Variants in HHAT observed in about 807,000 individuals in gnomAD.
HHAT encodes hedgehog acyltransferase, also known as protein-cysteine N-palmitoyltransferase HHAT.
Under a neutral mutation model 70.8 loss-of-function variants are expected in HHAT, and 47 were observed. That is an observed-to-expected ratio of 0.66 (90% confidence interval 0.53 to 0.85). The LOEUF is 0.85. Ranked by LOEUF, HHAT falls within the 40% of genes least tolerant of loss-of-function variation. The pLI, the probability that HHAT is intolerant of heterozygous loss-of-function variation, is 0.00. For synonymous variants in HHAT, 228 were observed against 247.6 expected, an observed-to-expected ratio of 0.92 and a Z score of 0.74; for missense variants, 609 against 604.8, an observed-to-expected ratio of 1.01 and a Z score of -0.07.
chr1:210,529,046 G>T (rs997872837), intron 9 of HHAT, among the ~76,000 whole-genome samples: 2 of 152,234 alleles, frequency 1.3e-5, no homozygotes, highest in Non-Finnish European at 2.9e-5. Context: ...GGCTCACGCT[G>T]GTAATCCCAG....
chr1:210,474,911 C>T (rs900589062), intron 8 of HHAT, among the ~76,000 whole-genome samples: 3 of 151,288 alleles, frequency 2.0e-5, no homozygotes, highest in African/African-American at 4.9e-5. Flanking sequence ...AGTGCAGTGG[C>T]TCAATCAGGG....
intron 10 of HHAT, among the ~76,000 whole-genome samples, chr1:210,598,897 C>T (rs1383383726): frequency 6.6e-6 from 1 of 152,166 alleles, no homozygotes. Context: ...TCTATTTGGC[C>T]ATATTGCTTC....
chr1:210,539,984 T>C (rs2095412096), intron 9 of HHAT, among the ~76,000 whole-genome samples: 1 of 152,158 alleles, frequency 6.6e-6, no homozygotes, highest in African/African-American at 2.4e-5. Flanking sequence ...ACACTAAAAA[T>C]TATAAATCAA....
chr1:210,434,096 G>A (rs1213211767), intron 7 of HHAT, among the ~76,000 whole-genome samples: 1 of 151,942 alleles, frequency 6.6e-6, no homozygotes, highest in Non-Finnish European at 1.5e-5. Context: ...AGTGTCTTGT[G>A]AAGGTTTAAA....
intron 11 of HHAT, among the ~76,000 whole-genome samples, chr1:210,641,504 G>C (rs565943179): frequency 6.6e-6 from 1 of 152,248 alleles, no homozygotes; most frequent in East Asian, 1.9e-4. Flanking sequence ...TAACAATATA[G>C]ATTAAATTTT....
At chr1:210,420,675 C>T (rs377241571) in intron 7 of HHAT, among the ~76,000 whole-genome samples, 7 of 143,168 alleles carry the variant, frequency 4.9e-5, no homozygotes. Flanking sequence ...TTTAAAAAAA[C>T]AAAAAAAAAA....
intron 5 of HHAT, among the ~76,000 whole-genome samples, chr1:210,401,988 A>C (rs990796229): frequency 6.6e-6 from 1 of 152,122 alleles, no homozygotes; most frequent in African/African-American, 2.4e-5. Context: ...TCTCAGGCCC[A>C]CTCAGGCTGT....
In HHAT at chr1:210,404,685, GC is replaced by G; in HGVS notation, c.684+9del. On this transcript the variant is annotated splice_region_variant and intron_variant, in intron 6 of 11. Transcript: ENST00000261458. ...TCTCGGAGTTCATCAAACAGGTAGA[GC>G]CCGCTGGGGATGGGATTGGGATTCT... 1.9e-6 allele frequency: 3 copies of G among 1,607,494 alleles called. No homozygotes were observed. Among genetic ancestry groups the G allele is most frequent in the Non-Finnish European group, 2.6e-6 (3 of 1,174,356 alleles).
chr1:210,579,965 A>G (rs1302710518), intron 9 of HHAT, among the ~76,000 whole-genome samples: 1 of 152,210 alleles, frequency 6.6e-6, no homozygotes, highest in African/African-American at 2.4e-5. Flanking sequence ...AGCTTCATGG[A>G]GCGAAAAGAA....
chr1:210,642,925 C>T lies in HHAT; in HGVS notation c.1390+19255C>T, dbSNP rs573262128. 2.0e-5 allele frequency among the ~76,000 whole-genome samples: 3 copies of T among 152,294 alleles called. No homozygotes were observed. The East Asian group carries it at 5.8e-4, about 29-fold the overall frequency. Reference sequence around the variant, plus strand: ...TTAGGAAATACTTGCTTACCCCAAGCTCATGAAGATATTGCTCTATGTTAT... The same window carrying T: ...TTAGGAAATACTTGCTTACCCCAAGTTCATGAAGATATTGCTCTATGTTAT... On this transcript the variant is annotated intron_variant, in intron 11 of 11. Coordinates refer to ENST00000261458, the MANE Select transcript of HHAT (RefSeq NM_018194.6).
chr1:210,470,745 A>T (rs2148458269), intron 8 of HHAT, among the ~76,000 whole-genome samples: 1 of 152,300 alleles, frequency 6.6e-6, no homozygotes, highest in South Asian at 2.1e-4. Context: ...CAGATGGAAG[A>T]TGTTGATCAC....
At chr1:210,527,118 A>G (rs1457993941) in intron 9 of HHAT, among the ~76,000 whole-genome samples, 1 of 152,152 alleles carries the variant, frequency 6.6e-6, no homozygotes, top group Non-Finnish European at 1.5e-5. Context: ...CCATTTGATA[A>G]GAGGATTGGA....
intron 5 of HHAT, among the ~76,000 whole-genome samples, chr1:210,400,992 A>C (rs1199790164): frequency 2.0e-5 from 3 of 152,250 alleles, no homozygotes; most frequent in Non-Finnish European, 4.4e-5. Flanking sequence ...TTTACTAAAA[A>C]ACATCTGGAG....
chr1:210,340,251 A>AGGG (rs1558310419), intron 1 of HHAT, among the ~76,000 whole-genome samples: 5 of 147,882 alleles, frequency 3.4e-5, no homozygotes, highest in South Asian at 2.1e-4. Flanking sequence ...AGAAAAAAAA[A>AGGG]AAAAAAAAAA....
rs1214426973 is a variant in HHAT at position 210,562,816 on chromosome 1, C to G, written c.1044-25082C>G. ...GCTATCCCTCCCCCCTCCCCCCACC[C>G]CACAACAGGCCCCAGTGTGTGATGT... On this transcript the variant is annotated intron_variant, in intron 9 of 11. Coordinates refer to ENST00000261458, the MANE Select transcript of HHAT (RefSeq NM_018194.6). Among the ~76,000 whole-genome samples the G allele has an allele frequency of 2.5e-5, 3 of 120,928 alleles. No individual in the cohort carries two copies. The Admixed American group carries it at 2.9e-4, about 12-fold the overall frequency. 79.3% of individuals were successfully genotyped at this position (120,928 alleles called of 152,430 possible).
intron 11 of HHAT, among the ~76,000 whole-genome samples, chr1:210,637,339 A>G (rs909711626): frequency 6.6e-6 from 1 of 152,254 alleles, no homozygotes; most frequent in Non-Finnish European, 1.5e-5. Context: ...AATCTTCATG[A>G]CTTTGGATTA....
Position 210,386,230 on chromosome 1 carries a change from C to CTTTCTTTTTTTTTTTTTTTTTTTTTTT in HHAT, c.160-1235_160-1234insCTTTTTTTTTTTTTTTTTTTTTTTTTT, listed in dbSNP as rs1324452281. Among the ~76,000 whole-genome samples, 65 of 69,920 alleles carry CTTTCTTTTTTTTTTTTTTTTTTTTTTT rather than the reference C, an allele frequency of 9.3e-4. 11 individuals carry two copies. Among genetic ancestry groups the CTTTCTTTTTTTTTTTTTTTTTTTTTTT allele is most frequent in the Non-Finnish European group, 1.4e-3 (54 of 38,700 alleles). 45.9% of individuals were successfully genotyped at this position (69,920 alleles called of 152,430 possible). On this transcript the variant is annotated intron_variant, in intron 3 of 11. Transcript: ENST00000261458. ...ATTGCAGGAGTCCTTTTCTTTTTTT[C>CTTTCTTTTTTTTTTTTTTTTTTTTTTT]TTTTTTTTTTTTTTTTTTTTTTTTT...
At chr1:210,357,606 G>A (rs546260018) in intron 2 of HHAT, among the ~76,000 whole-genome samples, 66 of 152,280 alleles carry the variant, frequency 4.3e-4, no homozygotes, top group African/African-American at 1.3e-3. Flanking sequence ...TGGATAATGA[G>A]GTCAGGAGAT....
At chr1:210,415,628 A>G (rs1316782443) in intron 6 of HHAT, among the ~76,000 whole-genome samples, 2 of 152,054 alleles carry the variant, frequency 1.3e-5, no homozygotes, top group Non-Finnish European at 1.5e-5. Flanking sequence ...TGAGGGAAAC[A>G]AAAGGCAAAA....
Sources: gnomAD v4.1 joint callset for allele counts (sites outside exome capture counted in the v4.1 genomes callset) on GRCh38, gnomAD v4.1.1 for gene constraint, MANE v1.5 for transcripts, NCBI Gene and HGNC (gene_info 2026-07-23, HGNC 2026-07-21) for gene names.